RPS6KC1: variants seen among roughly 807,000 people sequenced by gnomAD.
RPS6KC1 encodes the protein ribosomal protein S6 kinase C1.
RPS6KC1 carries 54 observed loss-of-function variants against 103.8 expected under a neutral mutation model. The observed-to-expected ratio is 0.52, with a 90% CI of 0.42 to 0.65. The LOEUF (loss-of-function observed/expected upper bound fraction) is 0.65. RPS6KC1 is among the 30% of genes least tolerant of loss of function. The pLI, the probability that RPS6KC1 is intolerant of heterozygous loss-of-function variation, is 0.00. For synonymous variants in RPS6KC1, 439 were observed against 438.7 expected (o/e 1.00, Z -0.01); for missense variants, 1,151 against 1,253.8 (o/e 0.92, Z 1.24).
chr1:213,382,177 A>G, the RPS6KC1 span, among the ~76,000 whole-genome samples: 23 of 152,160 alleles, frequency 1.5e-4, no homozygotes, highest in Non-Finnish European at 2.6e-4. Context: ...AAATAAGAAT[A>G]CGGTGGGGTT....
intron 14 of RPS6KC1, among the ~76,000 whole-genome samples, chr1:213,269,806 T>C (rs183825604): frequency 2.0e-5 from 3 of 152,014 alleles, no homozygotes. Context: ...TCCCAGCTGC[T>C]TGGGAGGCTG....
At position 213,176,064 on chromosome 1, in the gene RPS6KC1, A is replaced by G. The variant is rs978369570; in HGVS notation, c.952-336A>G. Among the ~76,000 whole-genome samples the G allele has an allele frequency of 2.6e-5, 4 of 152,154 alleles. No homozygotes were observed. In the East Asian group the frequency reaches 7.7e-4, roughly 29 times the overall value. On this transcript the variant is annotated intron_variant, in intron 7 of 14. Transcript: ENST00000366960. ...TAAGACTGGGATTGATTGTTGGCCC[A>G]GTTATCCATTTGTTACAAAGTTTTA...
At chr1:213,074,123 G>A (rs1317917672) in intron 2 of RPS6KC1, among the ~76,000 whole-genome samples, 2 of 152,132 alleles carry the variant, frequency 1.3e-5, no homozygotes, top group Non-Finnish European at 2.9e-5. Flanking sequence ...CTATGTGAGC[G>A]TGAAAAGGAC....
chr1:213,812,420 T>C, the RPS6KC1 span, among the ~76,000 whole-genome samples: 5 of 152,226 alleles, frequency 3.3e-5, no homozygotes, highest in African/African-American at 1.2e-4. Flanking sequence ...CATAGCCATC[T>C]CCTTAACACA....
chr1:213,523,297 T>G, the RPS6KC1 span, among the ~76,000 whole-genome samples: 11 of 152,158 alleles, frequency 7.2e-5, no homozygotes, highest in African/African-American at 2.7e-4. Context: ...ACATCAAAGA[T>G]CACTGACCAC....
At position 213,241,139 on chromosome 1, in the gene RPS6KC1, G is replaced by A; in HGVS notation, c.1663G>A (p.Ala555Thr). ...TATTAAAAGCTTCCCAGCACACCTT[G>A]CTGCTGACAGTGACAGCCCCAGCAC... Reference protein sequence around the residue: ...KAIKSFPAHLAADSDSPSTQL... With the variant: ...KAIKSFPAHLTADSDSPSTQL... The change falls in exon 11 of 15, where the codon GCT becomes ACT. Residue 555 changes from alanine (A) to threonine (T), a missense_variant. By Grantham distance (58) the Ala-to-Thr change is moderately conservative. Coordinates refer to ENST00000366960, the MANE Select transcript of RPS6KC1 (RefSeq NM_012424.6). 6.2e-7 allele frequency: 1 copy of A among 1,613,830 alleles called. No homozygotes were observed. The highest frequency in any genetic ancestry group is 8.5e-7 in the Non-Finnish European group (1 of 1,179,886).
intron 6 of RPS6KC1, among the ~76,000 whole-genome samples, chr1:213,148,186 C>G (rs1472188695): frequency 3.3e-5 from 5 of 152,148 alleles, no homozygotes; most frequent in African/African-American, 1.2e-4. Flanking sequence ...CCCTTTATAT[C>G]TTTCTGTTGT....
At chr1:213,738,837 AAAATAAATAAAT>A in the RPS6KC1 span, among the ~76,000 whole-genome samples, 66,864 of 143,300 alleles carry the variant, frequency 0.47, 16,265 homozygotes, top group East Asian at 0.74. Context: ...TCTACTCTAA[AAAATAAATAAAT>A]AAATAAATAA....
At chr1:213,481,779 T>C in the RPS6KC1 span, among the ~76,000 whole-genome samples, 2 of 152,238 alleles carry the variant, frequency 1.3e-5, no homozygotes, top group Non-Finnish European at 2.9e-5. Flanking sequence ...TGATTATACA[T>C]AAATTATAAA....
chr1:213,719,591 A>G, the RPS6KC1 span, among the ~76,000 whole-genome samples: 29 of 152,148 alleles, frequency 1.9e-4, no homozygotes, highest in Non-Finnish European at 3.4e-4. Context: ...ATGAAGAGGC[A>G]AAAAGAGGAA....
At chr1:213,437,792 T>C in the RPS6KC1 span, among the ~76,000 whole-genome samples, 1 of 152,030 alleles carries the variant, frequency 6.6e-6, no homozygotes, top group Admixed American at 6.5e-5. Flanking sequence ...TTTAGCTTTT[T>C]GACTTGAATG....
chr1:213,769,116 T>C, the RPS6KC1 span, among the ~76,000 whole-genome samples: 1 of 152,120 alleles, frequency 6.6e-6, no homozygotes. Flanking sequence ...TGATTAGGGA[T>C]CCAGAGTGGG....
At chr1:213,153,255 A>G (rs2089459638) in intron 6 of RPS6KC1, among the ~76,000 whole-genome samples, 1 of 143,376 alleles carries the variant, frequency 7.0e-6, no homozygotes. Flanking sequence ...GGAGAGGGAG[A>G]GGGAGAGGGA....
intron 3 of RPS6KC1, among the ~76,000 whole-genome samples, chr1:213,101,560 T>A (rs1026035639): frequency 3.3e-5 from 5 of 151,376 alleles, no homozygotes; most frequent in African/African-American, 1.2e-4. Context: ...AAGCCTCCAA[T>A]TTTTTTTTGT....
chr1:213,398,509 G>A, the RPS6KC1 span, among the ~76,000 whole-genome samples: 2 of 152,080 alleles, frequency 1.3e-5, no homozygotes, highest in Non-Finnish European at 2.9e-5. Flanking sequence ...TCACGGGAAT[G>A]GGTTTTGCTG....
rs989411996 is a variant in RPS6KC1, at chr1:213,226,840, T to C, written c.1045-3657T>C. On this transcript the variant is annotated intron_variant, in intron 8 of 14. Transcript: ENST00000366960. ...CCACTATGTTTTCTCTTTGTACTTTTCTCATTACACTTTTGGTTATTGTCT... is the reference window on the plus strand; with the variant it reads ...CCACTATGTTTTCTCTTTGTACTTTCCTCATTACACTTTTGGTTATTGTCT... 5.3e-4 allele frequency among the ~76,000 whole-genome samples: 81 copies of C among 152,228 alleles called. 1 individual carries two copies. The highest frequency in any genetic ancestry group is 1.9e-3 in the African/African-American group (79 of 41,458).
At chr1:213,452,919 G>A in the RPS6KC1 span, among the ~76,000 whole-genome samples, 6 of 152,184 alleles carry the variant, frequency 3.9e-5, no homozygotes, top group Non-Finnish European at 4.4e-5. Context: ...GGCTGGTTCC[G>A]CTTTGCTTGG....
chr1:213,643,413 G>T, the RPS6KC1 span, among the ~76,000 whole-genome samples: 1 of 151,104 alleles, frequency 6.6e-6, no homozygotes, highest in African/African-American at 2.4e-5. Context: ...ATTTTGAAGG[G>T]TATTATTTCT....
At chr1:213,363,610 CTTGCTTGCTT>C in the RPS6KC1 span, among the ~76,000 whole-genome samples, 8 of 75,590 alleles carry the variant, frequency 1.1e-4, 1 homozygote, top group African/African-American at 3.2e-4. Context: ...CGCTCGCTTG[CTTGCTTGCTT>C]GCTTGCTTTC....
Sources: allele counts gnomAD v4.1 joint callset (sites outside exome capture counted in the v4.1 genomes callset), GRCh38; gene constraint gnomAD v4.1.1; transcripts MANE v1.5; gene names NCBI Gene and HGNC (gene_info 2026-07-23, HGNC 2026-07-21).